ZMAT4: variants seen among roughly 807,000 people sequenced by gnomAD.
ZMAT4 encodes zinc finger matrin-type 4.
ZMAT4 carries 17 observed loss-of-function variants against 28.7 expected under a neutral mutation model. The observed-to-expected ratio is 0.59, with a 90% CI of 0.41 to 0.89. The LOEUF (loss-of-function observed/expected upper bound fraction) is 0.89, where lower values mean the gene tolerates loss of function less well. Among genes scored for constraint, ZMAT4 ranks in the 40% least tolerant of loss-of-function variants. ZMAT4 has a pLI of 0.00. For missense variants in ZMAT4, 240 were observed against 283.8 expected, an observed-to-expected ratio of 0.85 and a Z score of 1.11; for synonymous variants, 117 against 109.2, an observed-to-expected ratio of 1.07 and a Z score of -0.44.
intron 1 of ZMAT4, among the ~76,000 whole-genome samples, chr8:40,829,821 G>A (rs1039068210): frequency 4.6e-5 from 7 of 152,160 alleles, no homozygotes; most frequent in Admixed American, 3.3e-4. Flanking sequence ...AGAGAAATGA[G>A]TTCCAACTCA....
intron 2 of ZMAT4, among the ~76,000 whole-genome samples, chr8:40,804,858 A>C (rs1815009317): frequency 6.6e-6 from 1 of 151,984 alleles, no homozygotes; most frequent in Non-Finnish European, 1.5e-5. Context: ...TAATAATAAT[A>C]AAATAAAATA....
At chr8:40,544,985 T>C (rs1241341128) in intron 6 of ZMAT4, among the ~76,000 whole-genome samples, 1 of 152,194 alleles carries the variant, frequency 6.6e-6, no homozygotes, top group Non-Finnish European at 1.5e-5. Flanking sequence ...GATTAGGTTA[T>C]AAAATACTGT....
chr8:40,725,919 T>G (rs72639700), intron 3 of ZMAT4, among the ~76,000 whole-genome samples: 6,853 of 152,252 alleles, frequency 0.045, 232 homozygotes, highest in Non-Finnish European at 0.07. Flanking sequence ...TGTGCACATT[T>G]GCATAATTTT....
chr8:40,848,706 G>A (rs187904200), intron 1 of ZMAT4, among the ~76,000 whole-genome samples: 8 of 152,162 alleles, frequency 5.3e-5, no homozygotes, highest in Middle Eastern at 3.4e-3. Flanking sequence ...GTACCCAATG[G>A]TTCTTGGTGC....
intron 5 of ZMAT4, among the ~76,000 whole-genome samples, chr8:40,627,937 G>A (rs1456039061): frequency 6.6e-6 from 1 of 152,160 alleles, no homozygotes; most frequent in Non-Finnish European, 1.5e-5. Context: ...GTAGTGAGAG[G>A]GGAGGCCACC....
At chr8:40,853,745 T>C (rs1277967086) in intron 1 of ZMAT4, among the ~76,000 whole-genome samples, 1 of 152,170 alleles carries the variant, frequency 6.6e-6, no homozygotes, top group Non-Finnish European at 1.5e-5. Context: ...ATTTTGCTTT[T>C]ACCTCATCAG....
chr8:40,647,387 C>A (rs886260446), intron 5 of ZMAT4, among the ~76,000 whole-genome samples: 1 of 152,226 alleles, frequency 6.6e-6, no homozygotes, highest in African/African-American at 2.4e-5. Context: ...ACACGGCGCA[C>A]CACAAGATTA....
chr8:40,862,758 G>T (rs531813416), intron 1 of ZMAT4, among the ~76,000 whole-genome samples: 1 of 151,698 alleles, frequency 6.6e-6, no homozygotes, highest in African/African-American at 2.4e-5. Context: ...ACTCATAGGT[G>T]GGAATTGAAC....
chr8:40,694,513 A>G (rs990118456), intron 4 of ZMAT4, among the ~76,000 whole-genome samples: 2 of 152,032 alleles, frequency 1.3e-5, no homozygotes, highest in African/African-American at 2.4e-5. Flanking sequence ...AGGCTTTCCC[A>G]ACACCGGCAC....
intron 2 of ZMAT4, among the ~76,000 whole-genome samples, chr8:40,796,484 C>T (rs1310100921): frequency 6.6e-6 from 1 of 152,172 alleles, no homozygotes; most frequent in Non-Finnish European, 1.5e-5. Context: ...AAGTCAGCAA[C>T]TCGCCAAGTG....
At chr8:40,664,690 T>C (rs191978900) in intron 5 of ZMAT4, among the ~76,000 whole-genome samples, 68 of 152,310 alleles carry the variant, frequency 4.5e-4, no homozygotes, top group African/African-American at 1.6e-3. Flanking sequence ...AATCCCCTCA[T>C]GGAAACTGTG....
chr8:40,550,750 T>C (rs1366030110), intron 6 of ZMAT4, among the ~76,000 whole-genome samples: 1 of 152,122 alleles, frequency 6.6e-6, no homozygotes, highest in Non-Finnish European at 1.5e-5. Flanking sequence ...GATTGTAAGT[T>C]TCCTGAGGCC....
At chr8:40,625,775 G>T (rs1186817753) in intron 5 of ZMAT4, among the ~76,000 whole-genome samples, 1 of 152,098 alleles carries the variant, frequency 6.6e-6, no homozygotes, top group Admixed American at 6.6e-5. Flanking sequence ...TAAGGGAGAG[G>T]TTGGAGCCAG....
At chr8:40,869,885 T>G (rs1401196258) in intron 1 of ZMAT4, among the ~76,000 whole-genome samples, 2 of 152,198 alleles carry the variant, frequency 1.3e-5, no homozygotes, top group African/African-American at 2.4e-5. Context: ...TTCTGGGTTC[T>G]TTCTTACTGT....
At chr8:40,733,241 G>T (rs945243057) in intron 3 of ZMAT4, among the ~76,000 whole-genome samples, 10 of 152,018 alleles carry the variant, frequency 6.6e-5, no homozygotes, top group African/African-American at 2.4e-4. Context: ...TATCGCAGGG[G>T]GTTCAGTGAC....
intron 1 of ZMAT4, among the ~76,000 whole-genome samples, chr8:40,892,481 G>C (rs970151540): frequency 6.6e-6 from 1 of 152,218 alleles, no homozygotes; most frequent in African/African-American, 2.4e-5. Context: ...CATGGTGTTA[G>C]TAACAGGCAC....
intron 3 of ZMAT4, among the ~76,000 whole-genome samples, chr8:40,759,895 A>C (rs1284176788): frequency 1.3e-5 from 2 of 152,186 alleles, no homozygotes; most frequent in Admixed American, 1.3e-4. Context: ...CCTATTGACA[A>C]GGCCAGACAC....
chr8:40,841,756 A>G (rs35168077), intron 1 of ZMAT4, among the ~76,000 whole-genome samples: 2 of 152,264 alleles, frequency 1.3e-5, no homozygotes, highest in Non-Finnish European at 2.9e-5. Flanking sequence ...GATAAAATGC[A>G]CTGGGAATGG....
chr8:40,609,290 C>T (rs1473229320), intron 5 of ZMAT4, among the ~76,000 whole-genome samples: 1 of 152,204 alleles, frequency 6.6e-6, no homozygotes, highest in Non-Finnish European at 1.5e-5. Flanking sequence ...AATGATTACT[C>T]TTGATGTCTG....
Sources: gnomAD v4.1 joint callset for allele counts (sites outside exome capture counted in the v4.1 genomes callset) on GRCh38, gnomAD v4.1.1 for gene constraint, MANE v1.5 for transcripts, NCBI Gene and HGNC (gene_info 2026-07-23, HGNC 2026-07-21) for gene names.